The following GDAP2 variants were observed in gnomAD, a reference collection of about 807,000 sequenced individuals.
GDAP2 encodes the protein ganglioside induced differentiation associated protein 2.
Under a neutral mutation model 67.0 loss-of-function variants are expected in GDAP2, and 51 were observed. The observed-to-expected ratio is 0.76, with a 90% CI of 0.61 to 0.96. The LOEUF is 0.96. Ranked by LOEUF, GDAP2 falls within the 40% of genes least tolerant of loss-of-function variation. The pLI is 0.00. For missense variants in GDAP2, 547 were observed against 588.3 expected, an observed-to-expected ratio of 0.93 and a Z score of 0.73; for synonymous variants, 203 against 207.3, an observed-to-expected ratio of 0.98 and a Z score of 0.18.
At chr1:117,905,283 A>T (rs765040520) in intron 6 of GDAP2, among the ~76,000 whole-genome samples, 9 of 152,192 alleles carry the variant, frequency 5.9e-5, no homozygotes, top group Non-Finnish European at 1.0e-4. Context: ...ATTTTACAGG[A>T]TGTGACACAA....
chr1:117,922,532 C>T (rs1021295030), intron 1 of GDAP2, among the ~76,000 whole-genome samples: 1 of 152,010 alleles, frequency 6.6e-6, no homozygotes, highest in Non-Finnish European at 1.5e-5. Flanking sequence ...AAGTGTTGGC[C>T]GGTCTGAGAA....
Position 117,923,513 on chromosome 1 carries a change from C to T in GDAP2, c.-67-3089G>A, listed in dbSNP as rs564314925. 2.0e-5 allele frequency among the ~76,000 whole-genome samples: 3 copies of T among 152,308 alleles called. 1 individual carries two copies. In the South Asian group the frequency reaches 6.2e-4, roughly 32 times the overall value. On this transcript the variant is annotated intron_variant, in intron 1 of 13. Transcript: ENST00000369443. ...TTGGGGTCCCTGACTTCCCACAACA[C>T]TAAGAACTGATTAATGGGTTTGGTA...
intron 2 of GDAP2, among the ~76,000 whole-genome samples, chr1:117,919,056 T>C (rs986648851): frequency 6.6e-6 from 1 of 152,170 alleles, no homozygotes; most frequent in African/African-American, 2.4e-5. Flanking sequence ...ATCCATACAA[T>C]GGAATATTAT....
At chr1:117,899,672 A>G (rs1649381855) in intron 6 of GDAP2, among the ~76,000 whole-genome samples, 1 of 152,116 alleles carries the variant, frequency 6.6e-6, no homozygotes, top group Non-Finnish European at 1.5e-5. Context: ...TCAAAGAAAA[A>G]AGATGAATTT....
chr1:117,917,576 G>A (rs1199206446), intron 3 of GDAP2, among the ~76,000 whole-genome samples: 1 of 152,218 alleles, frequency 6.6e-6, no homozygotes, highest in Non-Finnish European at 1.5e-5. Context: ...CCATTTTAGA[G>A]ATGAGGAAGC....
intron 6 of GDAP2, among the ~76,000 whole-genome samples, chr1:117,905,859 A>C (rs1414385798): frequency 6.6e-6 from 1 of 152,156 alleles, no homozygotes; most frequent in African/African-American, 2.4e-5. Context: ...TAGATAGCTA[A>C]TACGAATGTA....
intron 6 of GDAP2, among the ~76,000 whole-genome samples, chr1:117,903,287 C>A (rs184999196): frequency 6.6e-6 from 1 of 152,124 alleles, no homozygotes; most frequent in Admixed American, 6.5e-5. Context: ...AGCCAAATGT[C>A]TTGACTAGAA....
At chr1:117,877,866 G>A (rs983521566) in intron 13 of GDAP2, 143 bp downstream of exon 13, 1 of 1,291,314 alleles carries the variant, frequency 7.7e-7, no homozygotes, top group African/African-American at 1.5e-5. Context: ...GGGAAAGTAT[G>A]TTAAATGATA....
intron 3 of GDAP2, chr1:117,913,528 T>A (rs1649937387): frequency 6.6e-6 from 1 of 152,114 alleles, no homozygotes. Context: ...GTTAAAGTGT[T>A]ATACTTAACA....
chr1:117,877,744 A>C (rs1010595626), intron 13 of GDAP2: 1 of 1,170,766 alleles, frequency 8.5e-7, no homozygotes, highest in South Asian at 3.9e-5. Flanking sequence ...TAGAAAACTT[A>C]CAATACAAAC....
At chr1:117,903,841 T>A (rs2101144772) in intron 6 of GDAP2, among the ~76,000 whole-genome samples, 1 of 152,244 alleles carries the variant, frequency 6.6e-6, no homozygotes, top group South Asian at 2.1e-4. Flanking sequence ...ATTAAATAAA[T>A]CAAAGATGAA....
chr1:117,923,213 G>A (rs977903671), intron 1 of GDAP2, among the ~76,000 whole-genome samples: 1 of 152,140 alleles, frequency 6.6e-6, no homozygotes, highest in South Asian at 2.1e-4. Flanking sequence ...AACAATTTGT[G>A]CAGTTAACGC....
At chr1:117,907,833 T>C (rs1311697843) in intron 5 of GDAP2, among the ~76,000 whole-genome samples, 1 of 152,024 alleles carries the variant, frequency 6.6e-6, no homozygotes, top group Non-Finnish European at 1.5e-5. Flanking sequence ...TATCTTCTCA[T>C]GTTACCCTTT....
chr1:117,872,661 AG>A (rs1422142267), intron 13 of GDAP2, among the ~76,000 whole-genome samples: 1 of 73,152 alleles, frequency 1.4e-5, no homozygotes, highest in Admixed American at 1.9e-4. Context: ...GGACACAGGG[AG>A]GGGAACACTT....
intron 1 of GDAP2, among the ~76,000 whole-genome samples, chr1:117,924,183 G>A (rs1650361717): frequency 1.3e-5 from 2 of 152,162 alleles, no homozygotes; most frequent in South Asian, 4.1e-4. Flanking sequence ...AGTTATGTAG[G>A]TAAATTGCAT....
intron 1 of GDAP2, among the ~76,000 whole-genome samples, chr1:117,928,967 G>A (rs572737069): frequency 5.9e-5 from 9 of 152,270 alleles, no homozygotes; most frequent in African/African-American, 2.2e-4. Context: ...AGCGGCCAGA[G>A]AGCGGAAACA....
intron 6 of GDAP2, among the ~76,000 whole-genome samples, chr1:117,899,850 A>G (rs912730647): frequency 6.6e-6 from 1 of 152,154 alleles, no homozygotes; most frequent in African/African-American, 2.4e-5. Flanking sequence ...TTGTTTTCTC[A>G]TTACCTAGAA....
At chr1:117,889,693 C>T (rs886232730) in intron 8 of GDAP2, among the ~76,000 whole-genome samples, 6 of 151,796 alleles carry the variant, frequency 4.0e-5, no homozygotes, top group Admixed American at 1.3e-4. Flanking sequence ...AATATAAAAA[C>T]GTAAATTATG....
At chr1:117,908,840 TAAATA>T (rs1649752245) in intron 5 of GDAP2, among the ~76,000 whole-genome samples, 1 of 151,600 alleles carries the variant, frequency 6.6e-6, no homozygotes, top group African/African-American at 2.4e-5. Flanking sequence ...AATAAATAAA[TAAATA>T]AATAAATAAA....
Sources: allele counts gnomAD v4.1 joint callset (sites outside exome capture counted in the v4.1 genomes callset), GRCh38; gene constraint gnomAD v4.1.1; transcripts MANE v1.5; gene names NCBI Gene and HGNC (gene_info 2026-07-23, HGNC 2026-07-21).